CDH26: variants seen among roughly 807,000 people sequenced by gnomAD.
CDH26 encodes cadherin 26, also known as cadherin-like protein 26.
In CDH26, 83 loss-of-function variants were observed where a neutral mutation model predicts 90.3. That is an observed-to-expected ratio of 0.92 (90% CI 0.77 to 1.10). The LOEUF (loss-of-function observed/expected upper bound fraction) is 1.10. Among genes scored for constraint, CDH26 ranks in the 50% least tolerant of loss-of-function variants. CDH26 has a pLI of 0.00. For missense variants in CDH26, 1,013 were observed against 1,037.6 expected (o/e 0.98, Z 0.33); for synonymous variants, 397 against 396.3 (o/e 1.00, Z -0.02).
exon 8 of CDH26, chr20:60,031,251 C>G: frequency 8.1e-7 from 1 of 1,231,520 alleles, no homozygotes; most frequent in Non-Finnish European, 1.0e-6. Flanking sequence ...GAAATCGCTT[C>G]AGCCTCAGCA....
At chr20:60,016,327 T>C (rs1027140487), downstream of CDH26, among the ~76,000 whole-genome samples, 10 of 152,176 alleles carry the variant, frequency 6.6e-5, no homozygotes, top group Admixed American at 4.6e-4. Context: ...TGTAGAGGGT[T>C]TTCACTTCCA....
intron 17 of CDH26, among the ~76,000 whole-genome samples, chr20:60,009,004 C>T (rs751203421): frequency 5.9e-5 from 9 of 152,164 alleles, no homozygotes; most frequent in Non-Finnish European, 8.8e-5. Context: ...GGATGAGCTG[C>T]GGGGAAATTT....
intron 17 of CDH26, among the ~76,000 whole-genome samples, chr20:60,009,467 G>A (rs980858499): frequency 2.0e-5 from 3 of 152,182 alleles, no homozygotes; most frequent in South Asian, 2.1e-4. Context: ...CACACATACC[G>A]CTCATGCCAA....
intron 8 of CDH26, chr20:60,031,574 G>A: frequency 1.1e-6 from 1 of 929,284 alleles, no homozygotes; most frequent in Non-Finnish European, 1.3e-6. Context: ...CAGATGAAAG[G>A]AGTATGATCT....
intron 8 of CDH26, among the ~76,000 whole-genome samples, chr20:60,031,678 G>A (rs184366307): frequency 6.6e-6 from 1 of 152,226 alleles, no homozygotes; most frequent in African/African-American, 2.4e-5. Flanking sequence ...TCTTTACAGA[G>A]AGGCTGGGAG....
At chr20:60,005,478 CTGTATGTATGTATGTATGTA>C (rs35310546) in intron 16 of CDH26, among the ~76,000 whole-genome samples, 1 of 147,606 alleles carries the variant, frequency 6.8e-6, no homozygotes, top group African/African-American at 2.6e-5. Flanking sequence ...GTGTATATAT[CTGTATGTATGTATGTATGTA>C]TGTATGTATG....
chr20:60,026,242 A>T (rs997561945), intron 7 of CDH26, among the ~76,000 whole-genome samples: 1 of 152,128 alleles, frequency 6.6e-6, no homozygotes, highest in South Asian at 2.1e-4. Context: ...TCATACTCTA[A>T]TCTGGCATTA....
intron 5 of CDH26, 26 bp downstream of exon 5, chr20:59,983,096 G>T: frequency 6.2e-7 from 1 of 1,609,382 alleles, no homozygotes; most frequent in Non-Finnish European, 8.5e-7. Flanking sequence ...GGGCTGCCGG[G>T]CTTCCTTCTG....
chr20:59,972,121 A>T lies in CDH26; in HGVS notation c.391A>T (p.Thr131Ser), dbSNP rs1403582292. 6.2e-7 allele frequency: 1 copy of T among 1,613,352 alleles called. No individual in the cohort carries two copies. The highest frequency in any genetic ancestry group is 8.5e-7 in the Non-Finnish European group (1 of 1,179,670). ...CGATCGAGAAATGACACCATCTTTC[A>T]CGGTATCTAAAACTTGATATATTCT... The part of the protein sequence containing the change: ...PVDREMTPSF[T>S]VYFDVVERST... Residue 131 changes from threonine to serine, a missense_variant and splice_region_variant, in exon 4 of 18, where the codon ACG becomes TCG. Thr to Ser is a moderately conservative substitution (Grantham distance 58). Coordinates refer to ENST00000348616, the MANE Select transcript of CDH26 (RefSeq NM_177980.4).
At position 60,013,642 on chromosome 20, in the gene CDH26, C is replaced by T. The variant is rs1033039768; in HGVS notation, c.*912C>T. The T allele has an allele frequency of 2.6e-5, 4 of 152,148 alleles. No homozygotes were observed. Among genetic ancestry groups the T allele is most frequent in the African/African-American group, 9.7e-5 (4 of 41,418 alleles). The allele number at this position is 152,148 out of a possible 1,614,324, so 9.4% of individuals were successfully genotyped here. A position where few individuals can be genotyped will look rare whatever the true frequency, so the allele number is the denominator to read the frequency against. On this transcript the variant is annotated 3_prime_UTR_variant, in exon 18 of 18. Transcript: ENST00000348616. The stretch of plus-strand genomic sequence containing the variant: ...CACATATTGGATATCTAAAAGTCTA[C>T]AGCCATATAAAAATTTTATATAATT...
chr20:59,963,984 C>T (rs2061113164), intron 1 of CDH26, among the ~76,000 whole-genome samples: 1 of 152,134 alleles, frequency 6.6e-6, no homozygotes, highest in South Asian at 2.1e-4. Flanking sequence ...CTGGAAATGA[C>T]TGAAGAGGGG....
At chr20:59,967,302 A>C (rs1284950797) in intron 1 of CDH26, among the ~76,000 whole-genome samples, 1 of 152,214 alleles carries the variant, frequency 6.6e-6, no homozygotes, top group Non-Finnish European at 1.5e-5. Context: ...GGTGATGGGC[A>C]TCATTATGTC....
At chr20:59,979,425 C>T (rs1229167733) in intron 4 of CDH26, among the ~76,000 whole-genome samples, 1 of 151,830 alleles carries the variant, frequency 6.6e-6, no homozygotes, top group East Asian at 1.9e-4. Flanking sequence ...CCTTGACCTC[C>T]TGGCCTTGTG....
At chr20:59,979,372 G>A (rs922387786) in intron 4 of CDH26, among the ~76,000 whole-genome samples, 1 of 151,480 alleles carries the variant, frequency 6.6e-6, no homozygotes, top group Admixed American at 6.6e-5. Flanking sequence ...CTAATTTTTT[G>A]TGTTTTAGTA....
downstream of CDH26, among the ~76,000 whole-genome samples, chr20:60,035,529 A>G (rs1182850794): frequency 4.0e-5 from 6 of 151,206 alleles, no homozygotes; most frequent in Non-Finnish European, 7.4e-5. Context: ...TGAGCCACTT[A>G]TTTTCCTGTG....
intron 9 of CDH26, among the ~76,000 whole-genome samples, chr20:59,991,256 G>A (rs187629458): frequency 1.1e-4 from 17 of 152,240 alleles, no homozygotes; most frequent in Admixed American, 1.1e-3. Context: ...GAGGATGGTT[G>A]GCTCATACTT....
rs1009681561 is a variant in CDH26 at position 59,969,109 on chromosome 20, G to A, written c.126+86G>A. ...CAGAATTGCAGTTTGGAGTTCTTTA[G>A]TGCCCTGCCAATGTTTGGTTTGCAG... On this transcript the variant is annotated intron_variant, in intron 2 of 17. Transcript: ENST00000348616. 1.9e-5 allele frequency: 15 copies of A among 799,446 alleles called. No individual in the cohort carries two copies. The African/African-American group carries it at 2.4e-4, about 13-fold the overall frequency. 49.5% of individuals were successfully genotyped at this position (799,446 alleles called of 1,614,324 possible).
At position 59,958,686 on chromosome 20, in the gene CDH26, T is replaced by C. The variant is rs1338451549; in HGVS notation, c.-41T>C. On this transcript the variant is annotated 5_prime_UTR_variant, in exon 1 of 18. Transcript: ENST00000348616. Reference sequence around the variant, plus strand: ...TGAGACCACCAGCTTGGAGGACTGGTCATCAGCTGCACGTTCTGGGTCTGT... The same window carrying C: ...TGAGACCACCAGCTTGGAGGACTGGCCATCAGCTGCACGTTCTGGGTCTGT... 6.3e-7 allele frequency: 1 copy of C among 1,599,358 alleles called. No individual in the cohort carries two copies. The highest frequency in any genetic ancestry group is 8.6e-7 in the Non-Finnish European group (1 of 1,166,802).
chr20:59,998,050 G>A (rs2061622822), intron 13 of CDH26, among the ~76,000 whole-genome samples: 1 of 152,240 alleles, frequency 6.6e-6, no homozygotes, highest in African/African-American at 2.4e-5. Flanking sequence ...AAGTCCCCTG[G>A]AAGGAATCTC....
Sources: gnomAD v4.1 joint callset for allele counts (sites outside exome capture counted in the v4.1 genomes callset) on GRCh38, gnomAD v4.1.1 for gene constraint, MANE v1.5 for transcripts, NCBI Gene and HGNC (gene_info 2026-07-23, HGNC 2026-07-21) for gene names.